Variants in TRPM6 observed in about 807,000 individuals in gnomAD.
The protein encoded by TRPM6 is channel kinase 2.
Under a neutral mutation model 247.6 loss-of-function variants are expected in TRPM6, and 111 were observed. The ratio of observed to expected loss-of-function variants is 0.45; its 90% CI spans 0.38 to 0.52. The LOEUF (loss-of-function observed/expected upper bound fraction) is 0.52. Among genes scored for constraint, TRPM6 ranks in the 20% least tolerant of loss-of-function variants. The pLI is 0.00. For missense variants in TRPM6, 2,126 were observed against 2,421.5 expected (o/e 0.88, Z 2.56); for synonymous variants, 892 against 853.8 (o/e 1.04, Z -0.78).
At chr9:74,796,411 T>C (rs1359529531) in intron 18 of TRPM6, among the ~76,000 whole-genome samples, 1 of 152,198 alleles carries the variant, frequency 6.6e-6, no homozygotes, top group Non-Finnish European at 1.5e-5. Context: ...AATAAATTGG[T>C]ATATGGCTAT....
intron 21 of TRPM6, 91 bp downstream of exon 21, chr9:74,785,783 A>G: frequency 2.0e-6 from 3 of 1,488,262 alleles, no homozygotes; most frequent in Non-Finnish European, 2.8e-6. Context: ...TTGGCCTCCC[A>G]AAGTGCTGGG....
intron 1 of TRPM6, 72 bp from the exon 2 acceptor site, chr9:74,858,820 G>A: frequency 8.1e-7 from 1 of 1,230,642 alleles, no homozygotes. Context: ...AGTTCCTGCA[G>A]GTAAGAAATA....
chr9:74,825,019 G>A (rs1270626704), intron 7 of TRPM6, among the ~76,000 whole-genome samples: 3 of 152,166 alleles, frequency 2.0e-5, no homozygotes, highest in Non-Finnish European at 4.4e-5. Context: ...CAGCACTTTG[G>A]GAGGCCAAGG....
rs141053878 is a variant in TRPM6, at chr9:74,730,800, T to C, written c.5828+1885A>G. ...AATCAGACGTAATTCCCCATGATCA[T>C]GGGAAAATAGTGCTTCTTGTTATCT... On this transcript the variant is annotated intron_variant, in intron 37 of 38. Transcript: ENST00000360774. 5.3e-3 allele frequency among the ~76,000 whole-genome samples: 811 copies of C among 152,270 alleles called. 4 individuals carry two copies. Among genetic ancestry groups the C allele is most frequent in the Middle Eastern group, 0.01 (3 of 294 alleles).
At chr9:74,800,909 T>TTG (rs1398619963) in intron 16 of TRPM6, among the ~76,000 whole-genome samples, 1 of 151,234 alleles carries the variant, frequency 6.6e-6, no homozygotes, top group African/African-American at 2.4e-5. Context: ...AGTGTGTTTT[T>TTG]TTTTTTTTTT....
intron 38 of TRPM6, among the ~76,000 whole-genome samples, chr9:74,726,019 T>TA (rs895480855): frequency 1.3e-5 from 2 of 152,206 alleles, no homozygotes; most frequent in Admixed American, 1.3e-4. Flanking sequence ...GCCTCTCATA[T>TA]AAAAAAATAT....
intron 1 of TRPM6, chr9:74,887,320 G>A (rs1587616885): frequency 7.2e-7 from 1 of 1,385,852 alleles, no homozygotes; most frequent in Non-Finnish European, 9.3e-7. Context: ...ACGGCCGTCT[G>A]GGCACTTCTC....
At position 74,782,751 on chromosome 9, in the gene TRPM6, T is replaced by C; in HGVS notation, c.3022A>G (p.Ser1008Gly). 1.2e-6 allele frequency: 2 copies of C among 1,614,148 alleles called. No homozygotes were observed. Residue 1008 changes from serine to glycine, a missense_variant, in exon 22 of 39, where the codon AGT (serine) becomes GGT (glycine). Ser to Gly is a moderately conservative substitution (Grantham distance 56, BLOSUM62 0). This residue lies in a region of TRPM6 where 1,082 missense variants were observed against 1,307.9 expected (regional missense o/e 0.83). Transcript: ENST00000360774. ...TCAAATACAATATCTCGAGCTAGAC[T>C]CCAAGATGGTGGCTCTTTTGGCGAA... ...ILSPKEPPSW[S>G]LARDIVFEPY...
intron 25 of TRPM6, 42 bp from the exon 26 acceptor site, chr9:74,763,176 C>G: frequency 2.5e-6 from 4 of 1,588,372 alleles, no homozygotes; most frequent in Non-Finnish European, 3.4e-6. Flanking sequence ...GCACATTAAG[C>G]CAGTGGGAAT....
chr9:74,826,390 A>G (rs183172446), intron 7 of TRPM6, among the ~76,000 whole-genome samples: 50 of 152,278 alleles, frequency 3.3e-4, no homozygotes, highest in Middle Eastern at 3.4e-3. Context: ...TTTCAGCCCA[A>G]TGCTCAAAGG....
chr9:74,755,659 C>T (rs1826408834), intron 27 of TRPM6, among the ~76,000 whole-genome samples, 186 bp from the exon 28 acceptor site: 1 of 152,188 alleles, frequency 6.6e-6, no homozygotes, highest in Admixed American at 6.5e-5. Context: ...TGTGATTTCT[C>T]TTTGCAGTCA....
intron 20 of TRPM6, among the ~76,000 whole-genome samples, chr9:74,788,288 G>C (rs1271003538): frequency 6.6e-6 from 1 of 152,070 alleles, no homozygotes; most frequent in Non-Finnish European, 1.5e-5. Flanking sequence ...AAAAACTTGG[G>C]GAAATCAAAT....
At chr9:74,781,054 T>C (rs369068850) in intron 23 of TRPM6, among the ~76,000 whole-genome samples, 54 of 151,862 alleles carry the variant, frequency 3.6e-4, no homozygotes, top group African/African-American at 1.2e-3. Flanking sequence ...ATGGCTGGAG[T>C]TTAAGAAAGA....
chr9:74,830,967 T>C (rs1829526247), intron 6 of TRPM6, among the ~76,000 whole-genome samples: 1 of 152,022 alleles, frequency 6.6e-6, no homozygotes, highest in South Asian at 2.1e-4. Context: ...TTATACAGAC[T>C]GGTCCAAGCA....
At chr9:74,742,946 T>C (rs1243511112) in intron 32 of TRPM6, among the ~76,000 whole-genome samples, 3 of 152,220 alleles carry the variant, frequency 2.0e-5, no homozygotes, top group Non-Finnish European at 4.4e-5. Context: ...GGCATTTTAA[T>C]CCGTGGACTT....
At chr9:74,750,865 T>G (rs1005671393) in intron 29 of TRPM6, 143 bp from the exon 30 acceptor site, 1 of 779,708 alleles carries the variant, frequency 1.3e-6, no homozygotes, top group Non-Finnish European at 2.2e-6. Context: ...AAAAACATAC[T>G]AAACCCAAGC....
chr9:74,755,372 C>A lies in TRPM6; in HGVS notation c.4887G>T (p.Val1629=), dbSNP rs1826399390. ...ACATACCTGTGTGACTAAATTTGGA[C>A]ACTGTGAACCAGTTCTTGCTGTACT... ...EEEYSKNWFT[V]SKFSHTGVEP... is the part of the protein sequence containing the mutation. The change falls in exon 28 of 39, where the codon GTG becomes GTT. Residue 1629 remains valine, a synonymous_variant. Coordinates refer to ENST00000360774, the MANE Select transcript of TRPM6 (RefSeq NM_017662.5). 4 of 1,614,118 alleles carry A rather than the reference C, an allele frequency of 2.5e-6. No homozygotes were observed. The highest frequency in any genetic ancestry group is 3.4e-6 in the Non-Finnish European group (4 of 1,179,974).
intron 12 of TRPM6, among the ~76,000 whole-genome samples, chr9:74,811,923 A>G (rs1018994055): frequency 1.3e-5 from 2 of 152,182 alleles, no homozygotes; most frequent in Non-Finnish European, 2.9e-5. Flanking sequence ...AGCAAGAGAG[A>G]ACTGAGCTCA....
chr9:74,740,503 G>A (rs1318244063), intron 33 of TRPM6, among the ~76,000 whole-genome samples: 1 of 152,070 alleles, frequency 6.6e-6, no homozygotes, highest in Non-Finnish European at 1.5e-5. Context: ...CAGATTTTTG[G>A]AATATGTGCA....
Sources: gnomAD v4.1 joint callset for allele counts (sites outside exome capture counted in the v4.1 genomes callset) on GRCh38, gnomAD v4.1.1 for gene constraint, gnomAD v4.1.1 regional missense constraint, MANE v1.5 for transcripts, NCBI Gene and HGNC (gene_info 2026-07-23, HGNC 2026-07-21) for gene names.